The following SGSM3 variants were observed in gnomAD, a reference collection of about 807,000 sequenced individuals.
The protein encoded by SGSM3 is small G protein signaling modulator 3, also known as RUN and SH3 containing 3.
In SGSM3, 96 loss-of-function variants were observed where a neutral mutation model predicts 100.5. The ratio of observed to expected loss-of-function variants is 0.96; its 90% confidence interval spans 0.81 to 1.13. The LOEUF (loss-of-function observed/expected upper bound fraction) is 1.13. Among genes scored for constraint, SGSM3 ranks in the 50% most tolerant of loss-of-function variants. SGSM3 has a pLI of 0.00. For synonymous variants in SGSM3, 483 were observed against 422.8 expected, an observed-to-expected ratio of 1.14 and a Z score of -1.75; for missense variants, 1,001 against 1,015.8, an observed-to-expected ratio of 0.99 and a Z score of 0.20.
At chr22:40,373,083 C>T (rs2045901284) in intron 1 of SGSM3, 2 of 152,188 alleles carry the variant, frequency 1.3e-5, no homozygotes, top group South Asian at 4.1e-4. Flanking sequence ...GGGGTTAGAA[C>T]ACCACTCCTA....
chr22:40,405,057 G>T (rs2051277167), intron 6 of SGSM3, 84 bp from the exon 7 acceptor site: 3 of 1,434,026 alleles, frequency 2.1e-6, no homozygotes, highest in African/African-American at 2.9e-5. Context: ...CCCCATTTCT[G>T]GGGGAGAAGC....
Position 40,406,502 on chromosome 22 carries a change from C to G in SGSM3, c.1025C>G (p.Ser342Trp). Residue 342 changes from serine (S) to tryptophan (W), a missense_variant, in exon 10 of 22, where the codon TCG becomes TGG. Coordinates refer to ENST00000248929, the MANE Select transcript of SGSM3 (RefSeq NM_015705.6). ...SIFNTLSDIP[S>W]QMEDAELLLG... The stretch of plus-strand genomic sequence containing the variant: ...TTCAACACGCTATCGGATATCCCGT[C>G]GCAGATGGAGGACGCGGAGCTGCTT... The G allele has an allele frequency of 6.2e-7, 1 of 1,611,954 alleles. No individual in the cohort carries two copies. Among genetic ancestry groups the G allele is most frequent in the South Asian group, 1.1e-5 (1 of 90,948 alleles).
chr22:40,402,006 G>C (rs1054974324), intron 3 of SGSM3, 133 bp from the exon 4 acceptor site: 1 of 686,582 alleles, frequency 1.5e-6, no homozygotes, highest in Non-Finnish European at 2.6e-6. Flanking sequence ...GGCGGCTTTT[G>C]GAAGAGTAGC....
intron 16 of SGSM3, 55 bp from the exon 17 acceptor site, chr22:40,408,572 G>A: frequency 5.6e-6 from 9 of 1,606,816 alleles, no homozygotes; most frequent in Non-Finnish European, 7.7e-6. Flanking sequence ...GGCCCCAAGG[G>A]CTTTGAACCA....
Position 40,406,545 on chromosome 22 carries a change from G to A in SGSM3, c.1068G>A (p.Arg356=). 6.2e-7 allele frequency: 1 copy of A among 1,612,954 alleles called. No homozygotes were observed. Among genetic ancestry groups the A allele is most frequent in the Non-Finnish European group, 8.5e-7 (1 of 1,179,890 alleles). ...DAELLLGVAM[R]LAGSLTDVAV... ...AGCTGCTTCTGGGGGTGGCCATGCG[G>A]CTGGCCGGCTCCCTCACCGATGTGG... The change falls in exon 10 of 22, where the codon CGG becomes CGA. Residue 356 remains arginine, a synonymous_variant. Transcript: ENST00000248929.
rs770985202 is a variant in SGSM3, at chr22:40,406,578, G to C, written c.1101G>C (p.Glu367Asp). 1 of 1,613,004 alleles carries C rather than the reference G, an allele frequency of 6.2e-7. No individual in the cohort carries two copies. Among genetic ancestry groups the C allele is most frequent in the Non-Finnish European group, 8.5e-7 (1 of 1,179,808 alleles). ...GCTCCCTCACCGATGTGGCCGTGGA[G>C]ACTCAGCGCCGCAAGCACCTGGCCT... Reference protein sequence around the residue: ...LAGSLTDVAVETQRRKHLAYL... With the variant: ...LAGSLTDVAVDTQRRKHLAYL... Residue 367 changes from glutamate to aspartate, a missense_variant, in exon 10 of 22, where the codon GAG becomes GAC. By Grantham distance (45) the Glu-to-Asp change is conservative. Coordinates refer to ENST00000248929, the MANE Select transcript of SGSM3 (RefSeq NM_015705.6).
intron 4 of SGSM3, among the ~76,000 whole-genome samples, chr22:40,403,620 G>A (rs907161987): frequency 1.3e-5 from 2 of 152,216 alleles, no homozygotes; most frequent in Admixed American, 6.5e-5. Flanking sequence ...GAGAGCAAGA[G>A]GAAAATGGCA....
chr22:40,408,221 G>C, intron 15 of SGSM3, 56 bp from the exon 16 acceptor site: 1 of 1,608,230 alleles, frequency 6.2e-7, no homozygotes, highest in Non-Finnish European at 8.5e-7. Context: ...GGACAGAGGA[G>C]GGTGACTGGC....
At chr22:40,393,191 A>T (rs1289492826) in intron 1 of SGSM3, among the ~76,000 whole-genome samples, 1 of 152,190 alleles carries the variant, frequency 6.6e-6, no homozygotes, top group Non-Finnish European at 1.5e-5. Context: ...ATCGTGGCTC[A>T]CTGCAACCTC....
chr22:40,409,655 T>A, intron 21 of SGSM3, 27 bp from the exon 22 acceptor site: 1 of 1,609,822 alleles, frequency 6.2e-7, no homozygotes, highest in Non-Finnish European at 8.5e-7. Context: ...CCAAGGCCTG[T>A]GAGGTGAGGG....
intron 1 of SGSM3, among the ~76,000 whole-genome samples, chr22:40,375,547 T>G (rs1002224313): frequency 2.7e-5 from 4 of 150,022 alleles, no homozygotes; most frequent in Non-Finnish European, 5.9e-5. Context: ...GTCATTGCAC[T>G]CCAGCCTGGG....
At chr22:40,405,601 C>T (rs762376131) in intron 7 of SGSM3, 48 bp from the exon 8 acceptor site, 1 of 1,549,840 alleles carries the variant, frequency 6.5e-7, no homozygotes, top group South Asian at 1.2e-5. Flanking sequence ...CTTTTCTAAT[C>T]TGCACAAAGA....
chr22:40,404,962 A>T, intron 6 of SGSM3, 179 bp from the exon 7 acceptor site: 1 of 386,130 alleles, frequency 2.6e-6, no homozygotes, highest in Non-Finnish European at 3.5e-6. Flanking sequence ...GAAGTTTCCC[A>T]GCTGGATTTG....
chr22:40,404,724 G>GC (rs1411700692), intron 6 of SGSM3, 60 bp downstream of exon 6: 1 of 1,231,954 alleles, frequency 8.1e-7, no homozygotes, highest in Non-Finnish European at 1.2e-6. Context: ...CAGGAGAGAG[G>GC]GAGCCTGCCT....
chr22:40,384,009 G>A (rs963542543), intron 1 of SGSM3, among the ~76,000 whole-genome samples: 1 of 152,164 alleles, frequency 6.6e-6, no homozygotes, highest in Non-Finnish European at 1.5e-5. Flanking sequence ...AACACTTTGG[G>A]AGGCCAAAGT....
At chr22:40,397,073 T>C (rs988253707) in intron 1 of SGSM3, among the ~76,000 whole-genome samples, 1 of 152,206 alleles carries the variant, frequency 6.6e-6, no homozygotes, top group Admixed American at 6.5e-5. Flanking sequence ...GGGCTGTTCC[T>C]GCCAACTCCC....
intron 4 of SGSM3, among the ~76,000 whole-genome samples, chr22:40,403,650 G>A (rs1055043614): frequency 6.6e-6 from 1 of 152,200 alleles, no homozygotes; most frequent in African/African-American, 2.4e-5. Flanking sequence ...GACAGAGTGG[G>A]CACGGCCCAG....
At chr22:40,401,998 C>A in intron 3 of SGSM3, 141 bp from the exon 4 acceptor site, 1 of 657,450 alleles carries the variant, frequency 1.5e-6, no homozygotes. Flanking sequence ...TAACCAGAGG[C>A]GGCTTTTGGA....
intron 1 of SGSM3, among the ~76,000 whole-genome samples, chr22:40,394,495 A>G (rs1374847327): frequency 6.6e-6 from 1 of 151,866 alleles, no homozygotes; most frequent in Non-Finnish European, 1.5e-5. Context: ...AAAATACAAA[A>G]ATTAGCCGGG....
Sources: allele counts gnomAD v4.1 joint callset (sites outside exome capture counted in the v4.1 genomes callset), GRCh38; gene constraint gnomAD v4.1.1; transcripts MANE v1.5; gene names NCBI Gene and HGNC (gene_info 2026-07-23, HGNC 2026-07-21).